Variants in EYS observed in about 807,000 individuals in gnomAD.
The protein encoded by EYS is protein eyes shut homolog.
EYS carries 250 observed loss-of-function variants against 282.1 expected under a neutral mutation model. The ratio of observed to expected loss-of-function variants is 0.89; its 90% confidence interval spans 0.80 to 0.98. The LOEUF (loss-of-function observed/expected upper bound fraction) is 0.98, where lower values mean the gene tolerates loss of function less well. Among genes scored for constraint, EYS ranks in the 50% least tolerant of loss-of-function variants. EYS has a pLI of 0.00. For missense variants in EYS, 4,016 were observed against 3,709.0 expected, an observed-to-expected ratio of 1.08 and a Z score of -2.15; for synonymous variants, 1,355 against 1,282.9, an observed-to-expected ratio of 1.06 and a Z score of -1.20.
intron 26 of EYS, among the ~76,000 whole-genome samples, chr6:64,559,255 A>ATG (rs893141727): frequency 4.8e-4 from 64 of 132,194 alleles, no homozygotes; most frequent in African/African-American, 6.4e-4. Flanking sequence ...CCTTCTTTGT[A>ATG]TGTGTGTGTG....
At chr6:63,976,683 TA>T (rs1766850947) in intron 35 of EYS, among the ~76,000 whole-genome samples, 1 of 152,096 alleles carries the variant, frequency 6.6e-6, no homozygotes, top group Admixed American at 6.6e-5. Flanking sequence ...GTATAGGAGC[TA>T]AATGAATCTT....
chr6:64,720,777 A>G (rs1400565202), intron 22 of EYS, among the ~76,000 whole-genome samples: 1 of 152,160 alleles, frequency 6.6e-6, no homozygotes, highest in Non-Finnish European at 1.5e-5. Context: ...ATACCAGTCT[A>G]TCTTTCTCTT....
intron 31 of EYS, among the ~76,000 whole-genome samples, chr6:64,113,626 C>T (rs1020429601): frequency 3.3e-5 from 5 of 152,218 alleles, no homozygotes; most frequent in Admixed American, 6.5e-5. Context: ...GCCTGTGTTA[C>T]GGCAGGACTA....
chr6:64,131,230 T>C (rs1773968885), intron 31 of EYS, among the ~76,000 whole-genome samples: 1 of 152,206 alleles, frequency 6.6e-6, no homozygotes, highest in Non-Finnish European at 1.5e-5. Flanking sequence ...AGTGACGTGG[T>C]ATGATTTATG....
chr6:64,248,338 C>A (rs956122610), intron 30 of EYS, among the ~76,000 whole-genome samples: 1 of 151,932 alleles, frequency 6.6e-6, no homozygotes, highest in South Asian at 2.1e-4. Flanking sequence ...TGTTTATTTT[C>A]GAAACTACAC....
At chr6:65,556,514 A>T (rs554710995) in intron 2 of EYS, among the ~76,000 whole-genome samples, 61 of 152,210 alleles carry the variant, frequency 4.0e-4, no homozygotes, top group Non-Finnish European at 1.3e-4. Context: ...TGTAAGAGAG[A>T]TATCATTCCT....
chr6:65,370,266 T>TC (rs1765090858), intron 8 of EYS, among the ~76,000 whole-genome samples: 1 of 149,034 alleles, frequency 6.7e-6, no homozygotes, highest in South Asian at 2.1e-4. Context: ...CTTTTTTTTT[T>TC]TTTTTTGAAA....
intron 12 of EYS, among the ~76,000 whole-genome samples, chr6:65,176,915 A>G (rs1238385838): frequency 6.6e-6 from 1 of 151,706 alleles, no homozygotes; most frequent in Non-Finnish European, 1.5e-5. Flanking sequence ...ATTGTGAAAT[A>G]ATGGAATTTT....
chr6:65,558,262 A>C (rs1436589158), intron 2 of EYS, among the ~76,000 whole-genome samples: 2 of 152,202 alleles, frequency 1.3e-5, no homozygotes, highest in Non-Finnish European at 2.9e-5. Flanking sequence ...GCTCACCAGC[A>C]CCCAAAGCCT....
chr6:64,362,810 G>T (rs1249119043), intron 29 of EYS, among the ~76,000 whole-genome samples: 1 of 151,666 alleles, frequency 6.6e-6, no homozygotes, highest in Non-Finnish European at 1.5e-5. Context: ...CACAAGTTAG[G>T]TTATTATTAT....
intron 31 of EYS, among the ~76,000 whole-genome samples, chr6:64,184,177 G>A (rs1284636137): frequency 1.3e-5 from 2 of 152,040 alleles, no homozygotes; most frequent in African/African-American, 4.8e-5. Flanking sequence ...TGACTCCTTA[G>A]TGCCTGTCTC....
At chr6:65,631,758 G>A (rs532024739) in intron 2 of EYS, among the ~76,000 whole-genome samples, 1 of 152,208 alleles carries the variant, frequency 6.6e-6, no homozygotes, top group East Asian at 1.9e-4. Flanking sequence ...TGGATAATTC[G>A]AGTAGAGTAT....
At chr6:64,050,996 G>A (rs1014244201) in intron 33 of EYS, among the ~76,000 whole-genome samples, 1 of 152,056 alleles carries the variant, frequency 6.6e-6, no homozygotes, top group African/African-American at 2.4e-5. Flanking sequence ...ATATTATAAG[G>A]GGAATACTGA....
rs114514074 is a variant in EYS, at chr6:63,735,457, C to T, written c.8072-8777G>A. Among the ~76,000 whole-genome samples the T allele has an allele frequency of 4.5e-3, 678 of 151,728 alleles. 7 individuals carry two copies. Among genetic ancestry groups the T allele is most frequent in the African/African-American group, 0.016 (650 of 41,380 alleles). On this transcript the variant is annotated intron_variant, in intron 41 of 42. Coordinates refer to ENST00000503581, the MANE Select transcript of EYS (RefSeq NM_001142800.2). ...TCTCATCTTTTTCGTTCTCTCATTTCCTGTCTCTGTCTTCCTGTGTCTCTG... is the reference window on the plus strand; with the variant it reads ...TCTCATCTTTTTCGTTCTCTCATTTTCTGTCTCTGTCTTCCTGTGTCTCTG...
chr6:65,139,196 G>A (rs924403173), intron 12 of EYS, among the ~76,000 whole-genome samples: 1 of 152,002 alleles, frequency 6.6e-6, no homozygotes, highest in Non-Finnish European at 1.5e-5. Flanking sequence ...GCCCATCAAT[G>A]GTAGACTAGA....
intron 30 of EYS, among the ~76,000 whole-genome samples, chr6:64,252,465 T>C (rs749070193): frequency 4.6e-5 from 7 of 152,168 alleles, no homozygotes; most frequent in Non-Finnish European, 7.3e-5. Context: ...TTAATCATCC[T>C]GTCAATCATC....
intron 36 of EYS, among the ~76,000 whole-genome samples, chr6:63,858,105 A>G (rs1267020044): frequency 6.6e-6 from 1 of 152,186 alleles, no homozygotes; most frequent in Non-Finnish European, 1.5e-5. Flanking sequence ...TCAGGGACTT[A>G]GCAAAACGAG....
chr6:65,669,724 C>A (rs539777229), intron 1 of EYS, among the ~76,000 whole-genome samples: 2 of 152,064 alleles, frequency 1.3e-5, no homozygotes, highest in African/African-American at 4.8e-5. Context: ...TTTCTGTAAA[C>A]TCCTGTTTCC....
chr6:64,477,510 A>G (rs868140818), intron 26 of EYS, among the ~76,000 whole-genome samples: 1 of 152,222 alleles, frequency 6.6e-6, no homozygotes, highest in Middle Eastern at 3.4e-3. Flanking sequence ...CTGATGTATA[A>G]ATGGAATTGG....
Sources: gnomAD v4.1 joint callset for allele counts (sites outside exome capture counted in the v4.1 genomes callset) on GRCh38, gnomAD v4.1.1 for gene constraint, MANE v1.5 for transcripts, NCBI Gene and HGNC (gene_info 2026-07-23, HGNC 2026-07-21) for gene names.